The following LRRIQ3 variants were observed in gnomAD, a reference collection of about 807,000 sequenced individuals.
LRRIQ3 encodes leucine-rich repeat and IQ domain-containing protein 3.
Under a neutral mutation model 59.3 loss-of-function variants are expected in LRRIQ3, and 75 were observed. The observed-to-expected ratio is 1.26, with a 90% confidence interval of 1.05 to 1.53. LRRIQ3 has a LOEUF of 1.53. Ranked by LOEUF, LRRIQ3 falls within the 40% of genes most tolerant of loss-of-function variation. The probability of loss-of-function intolerance (pLI) is 0.00; values close to 1 mark genes in which losing one functional copy is unlikely to be tolerated. For missense variants in LRRIQ3, 831 were observed against 710.0 expected (o/e 1.17, Z -1.94); for synonymous variants, 250 against 231.3 (o/e 1.08, Z -0.73).
In LRRIQ3 at chr1:74,060,276, TTCC is replaced by T. The variant is rs200291262; in HGVS notation, c.997+14382_997+14384del. Among the ~76,000 whole-genome samples the T allele has an allele frequency of 2.8e-3, 407 of 147,830 alleles. 4 individuals are homozygous for T. The highest frequency in any genetic ancestry group is 4.8e-3 in the Non-Finnish European group (321 of 67,190). ...CTTCTTCCTCTTCCTCTTCTTTCTC[TTCC>T]TCCTCCTCCTCTTCCTCCTCTTCCT... On this transcript the variant is annotated intron_variant, in intron 6 of 7. Coordinates refer to ENST00000354431, the MANE Select transcript of LRRIQ3 (RefSeq NM_001105659.2).
intron 1 of LRRIQ3, among the ~76,000 whole-genome samples, chr1:74,195,930 C>G (rs2100751332): frequency 6.6e-6 from 1 of 152,098 alleles, no homozygotes; most frequent in East Asian, 1.9e-4. Context: ...AATAAAATCC[C>G]TAAACTTTTT....
At chr1:74,074,204 A>G (rs1231155032) in intron 6 of LRRIQ3, among the ~76,000 whole-genome samples, 1 of 152,126 alleles carries the variant, frequency 6.6e-6, no homozygotes, top group East Asian at 1.9e-4. Context: ...ATATCCATAA[A>G]GTAACCTTCT....
At chr1:74,098,346 A>G (rs1646478182) in intron 5 of LRRIQ3, among the ~76,000 whole-genome samples, 1 of 152,232 alleles carries the variant, frequency 6.6e-6, no homozygotes, top group African/African-American at 2.4e-5. Flanking sequence ...TTCAACAAGA[A>G]GAGCTAACTA....
intron 5 of LRRIQ3, among the ~76,000 whole-genome samples, chr1:74,090,989 A>G (rs781622649): frequency 6.6e-6 from 1 of 152,124 alleles, no homozygotes; most frequent in Admixed American, 6.6e-5. Context: ...AGGACTTATC[A>G]GGTCAAAATT....
intron 1 of LRRIQ3, among the ~76,000 whole-genome samples, chr1:74,196,369 A>G (rs1651125641): frequency 1.3e-5 from 2 of 152,154 alleles, no homozygotes; most frequent in Non-Finnish European, 2.9e-5. Flanking sequence ...GGCTCTGCTG[A>G]CCTTCACTCC....
intron 5 of LRRIQ3, among the ~76,000 whole-genome samples, chr1:74,101,781 CCAT>C (rs1269699717): frequency 2.6e-5 from 4 of 151,986 alleles, no homozygotes; most frequent in Non-Finnish European, 5.9e-5. Flanking sequence ...AAGCTGGAAA[CCAT>C]CATTCTCATC....
At chr1:74,055,331 G>T (rs1654499863) in intron 6 of LRRIQ3, among the ~76,000 whole-genome samples, 1 of 151,680 alleles carries the variant, frequency 6.6e-6, no homozygotes, top group African/African-American at 2.4e-5. Context: ...AAGAAAGCAG[G>T]TATCTATTAG....
chr1:74,053,379 T>C (rs888015178), intron 6 of LRRIQ3, among the ~76,000 whole-genome samples: 4 of 152,114 alleles, frequency 2.6e-5, no homozygotes, highest in African/African-American at 9.7e-5. Flanking sequence ...TAACTGTTAA[T>C]CTGGATTTCA....
intron 3 of LRRIQ3, among the ~76,000 whole-genome samples, chr1:74,160,365 C>CA (rs1648589241): frequency 1.3e-5 from 2 of 151,956 alleles, no homozygotes; most frequent in Non-Finnish European, 2.9e-5. Context: ...TTCTTACATT[C>CA]AAAAAATTCA....
At chr1:74,173,068 G>A (rs1015325036) in intron 3 of LRRIQ3, among the ~76,000 whole-genome samples, 1 of 152,110 alleles carries the variant, frequency 6.6e-6, no homozygotes, top group East Asian at 1.9e-4. Flanking sequence ...TTGGGAGGCC[G>A]AGGCAGGTGG....
chr1:74,079,587 A>ATTTGT (rs150232357), intron 5 of LRRIQ3, among the ~76,000 whole-genome samples: 44 of 151,874 alleles, frequency 2.9e-4, no homozygotes, highest in East Asian at 1.7e-3. Context: ...GTAGGTTAAG[A>ATTTGT]TTTGTTTTGT....
Position 74,132,886 on chromosome 1 carries a change from C to T in LRRIQ3, c.707+22847G>A, listed in dbSNP as rs373104780. Among the ~76,000 whole-genome samples the T allele has an allele frequency of 8.7e-4, 133 of 152,230 alleles. 4 individuals are homozygous for T. The East Asian group carries it at 0.021, about 24-fold the overall frequency. ...AATGGGATCTAATTAAACTAAAGAACTTCTGCACAGCAAAAGAAACTACCA... is the reference window on the plus strand; with the variant it reads ...AATGGGATCTAATTAAACTAAAGAATTTCTGCACAGCAAAAGAAACTACCA... On this transcript the variant is annotated intron_variant, in intron 4 of 7. Transcript: ENST00000354431.
At chr1:74,195,685 T>A (rs1357542746) in intron 1 of LRRIQ3, among the ~76,000 whole-genome samples, 1 of 152,218 alleles carries the variant, frequency 6.6e-6, no homozygotes, top group Non-Finnish European at 1.5e-5. Flanking sequence ...ATGTTCAACA[T>A]CTTTTTAAAA....
At chr1:74,173,311 A>T (rs1389392071) in intron 3 of LRRIQ3, among the ~76,000 whole-genome samples, 1 of 151,372 alleles carries the variant, frequency 6.6e-6, no homozygotes, top group African/African-American at 2.4e-5. Context: ...AAAAAAAAAA[A>T]ATCCATTCAC....
chr1:74,111,654 G>A (rs995443344), intron 4 of LRRIQ3, among the ~76,000 whole-genome samples: 5 of 151,984 alleles, frequency 3.3e-5, no homozygotes, highest in Non-Finnish European at 4.4e-5. Flanking sequence ...TGTCCAAAGG[G>A]CATACAGCAA....
intron 5 of LRRIQ3, among the ~76,000 whole-genome samples, chr1:74,100,882 T>C (rs1341183350): frequency 6.6e-6 from 1 of 152,150 alleles, no homozygotes; most frequent in Non-Finnish European, 1.5e-5. Context: ...CTGGATGCCT[T>C]CCTTACACCT....
At chr1:74,147,663 A>T (rs907523646) in intron 4 of LRRIQ3, among the ~76,000 whole-genome samples, 6 of 152,156 alleles carry the variant, frequency 3.9e-5, no homozygotes, top group African/African-American at 1.4e-4. Context: ...TGTTAGTCTG[A>T]GGGGGATTTC....
At chr1:74,035,967 A>AT (rs1366778474) in intron 7 of LRRIQ3, among the ~76,000 whole-genome samples, 5 of 152,024 alleles carry the variant, frequency 3.3e-5, no homozygotes, top group Admixed American at 1.3e-4. Context: ...TCCTACTACT[A>AT]TTTTTTGTAA....
intron 4 of LRRIQ3, among the ~76,000 whole-genome samples, chr1:74,113,098 C>T (rs1386143719): frequency 6.6e-6 from 1 of 151,532 alleles, no homozygotes; most frequent in African/African-American, 2.4e-5. Flanking sequence ...AAAGGCATGA[C>T]AACAATGCCT....
Sources: gnomAD v4.1 joint callset for allele counts (sites outside exome capture counted in the v4.1 genomes callset) on GRCh38, gnomAD v4.1.1 for gene constraint, MANE v1.5 for transcripts, NCBI Gene and HGNC (gene_info 2026-07-23, HGNC 2026-07-21) for gene names.